PPIL2: variants seen among roughly 807,000 people sequenced by gnomAD.
The protein encoded by PPIL2 is peptidylprolyl isomerase like 2.
A neutral mutation model predicts 75.2 loss-of-function variants in PPIL2; 50 were observed. The ratio of observed to expected loss-of-function variants is 0.66; its 90% confidence interval spans 0.53 to 0.84. The LOEUF is 0.84. Among genes scored for constraint, PPIL2 ranks in the 40% least tolerant of loss-of-function variants. The pLI is 0.00. For missense variants in PPIL2, 590 were observed against 685.0 expected, an observed-to-expected ratio of 0.86 and a Z score of 1.55; for synonymous variants, 245 against 258.8, an observed-to-expected ratio of 0.95 and a Z score of 0.51.
rs1280253710 is a variant in PPIL2 at position 21,695,523 on chromosome 22, TTGCAGGGC to T, written c.*36_*43del. 11 of 1,568,412 alleles carry T rather than the reference TTGCAGGGC, an allele frequency of 7.0e-6. No homozygotes were observed. The highest frequency in any genetic ancestry group is 1.4e-5 in the African/African-American group (1 of 74,018). On this transcript the variant is annotated 3_prime_UTR_variant, in exon 20 of 20. Transcript: ENST00000398831. Reference sequence around the variant, plus strand: ...TTGGCCGCTGTGGACCTTGGTGGGGTTGCAGGGCTGGGGGCCCATGTCCACATCTCCAT... The same window carrying T: ...TTGGCCGCTGTGGACCTTGGTGGGGTTGGGGGCCCATGTCCACATCTCCAT...
In PPIL2 at chr22:21,696,669, G is replaced by A. The variant is rs78175523; in HGVS notation, c.*1179G>A. On this transcript the variant is annotated 3_prime_UTR_variant, in exon 20 of 20. Transcript: ENST00000398831. ...GCCCTCAGGCCACCCCCCACTTCTA[G>A]TTCTTCACACTAAGCCCTAACTTAG... 8.5e-4 allele frequency: 1,305 copies of A among 1,531,502 alleles called. 17 individuals carry two copies. The African/African-American group carries it at 0.016, about 18-fold the overall frequency. The allele number at this position is 1,531,502 out of a possible 1,614,324, so 94.9% of individuals were successfully genotyped here.
At chr22:21,678,022 A>C (rs1052654222) in intron 6 of PPIL2, among the ~76,000 whole-genome samples, 2 of 152,122 alleles carry the variant, frequency 1.3e-5, no homozygotes, top group Non-Finnish European at 2.9e-5. Flanking sequence ...CTGGGAGTCC[A>C]ATGTGGCTGG....
At chr22:21,684,962 C>T (rs1236265135) in intron 10 of PPIL2, 49 bp downstream of exon 10, 2 of 1,602,728 alleles carry the variant, frequency 1.2e-6, no homozygotes, top group Admixed American at 1.7e-5. Flanking sequence ...TCTTCCTGCC[C>T]ATCTCATGGC....
chr22:21,689,116 A>G (rs1379718341), intron 15 of PPIL2, among the ~76,000 whole-genome samples: 1 of 152,212 alleles, frequency 6.6e-6, no homozygotes, highest in Non-Finnish European at 1.5e-5. Flanking sequence ...GACAGGGACC[A>G]GGCATTCGTG....
Position 21,677,054 on chromosome 22 carries a change from G to A in PPIL2, c.295+1939G>A, listed in dbSNP as rs1268403955. Among the ~76,000 whole-genome samples, 7 of 151,770 alleles carry A rather than the reference G, an allele frequency of 4.6e-5. No homozygotes were observed. The East Asian group carries it at 5.8e-4, about 13-fold the overall frequency. ...GCTGCCCCCCACCTCCCTCCCGGAC[G>A]GGGCGGCTGCCGGGCGGAGACGCTC... is the stretch of plus-strand genomic sequence containing the variant. On this transcript the variant is annotated intron_variant, in intron 6 of 19. Coordinates refer to ENST00000398831, the MANE Select transcript of PPIL2 (RefSeq NM_014337.4).
intron 6 of PPIL2, among the ~76,000 whole-genome samples, chr22:21,679,920 T>C (rs2067036728): frequency 6.6e-6 from 1 of 151,170 alleles, no homozygotes; most frequent in African/African-American, 2.4e-5. Flanking sequence ...ACCCCGTCTC[T>C]ACTAAAAAAA....
Position 21,684,669 on chromosome 22 carries a change from G to T in PPIL2, c.554-84G>T, listed in dbSNP as rs372324620. The T allele has an allele frequency of 4.6e-6, 7 of 1,526,942 alleles. No homozygotes were observed. In the African/African-American group the frequency reaches 8.3e-5, roughly 18 times the overall value. The allele number at this position is 1,526,942 out of a possible 1,614,324, so 94.6% of individuals were successfully genotyped here. On this transcript the variant is annotated intron_variant, in intron 9 of 19. Transcript: ENST00000398831. Reference sequence around the variant, plus strand: ...CTGCGCCATGGCTGGACGGCCCTGGGCTATTCTAGATCTGTGTCCCCAGCA... The same window carrying T: ...CTGCGCCATGGCTGGACGGCCCTGGTCTATTCTAGATCTGTGTCCCCAGCA...
chr22:21,677,223 A>G (rs2066908499), intron 6 of PPIL2, among the ~76,000 whole-genome samples: 1 of 151,734 alleles, frequency 6.6e-6, no homozygotes, highest in African/African-American at 2.4e-5. Context: ...GGTTGCAGCC[A>G]GGCAGAGGCG....
downstream of PPIL2, chr22:21,698,008 C>G (rs746818771): frequency 6.6e-6 from 1 of 152,248 alleles, no homozygotes; most frequent in African/African-American, 2.4e-5. Flanking sequence ...CACATTCCTA[C>G]AGCAAATGCA....
intron 8 of PPIL2, 125 bp from the exon 9 acceptor site, chr22:21,683,057 C>A: frequency 2.4e-6 from 2 of 833,672 alleles, no homozygotes; most frequent in South Asian, 2.8e-5. Flanking sequence ...CTGCTTGACT[C>A]CCCCAACCTC....
chr22:21,676,278 G>GTGTGTGTC (rs1491214826), intron 6 of PPIL2, among the ~76,000 whole-genome samples: 87 of 142,602 alleles, frequency 6.1e-4, no homozygotes, highest in Admixed American at 6.3e-4. Context: ...GTGTGTGTGT[G>GTGTGTGTC]TCTCATTCAG....
At chr22:21,680,829 CAAAAAAAAAAAAAAA>C (rs762340467) in intron 6 of PPIL2, among the ~76,000 whole-genome samples, 8 of 50,822 alleles carry the variant, frequency 1.6e-4, no homozygotes, top group Non-Finnish European at 2.7e-4. Flanking sequence ...GACTCCATCT[CAAAAAAAAAAAAAAA>C]AAAAAAAAAC....
intron 7 of PPIL2, among the ~76,000 whole-genome samples, chr22:21,681,637 A>T (rs372483522): frequency 5.9e-5 from 9 of 152,258 alleles, no homozygotes; most frequent in South Asian, 2.1e-4. Context: ...CCCAGCAGGG[A>T]CCCTTAAACC....
chr22:21,686,873 C>G lies in PPIL2; in HGVS notation c.791-19C>G. The G allele has an allele frequency of 3.1e-6, 5 of 1,612,444 alleles. No individual in the cohort carries two copies. The highest frequency in any genetic ancestry group is 4.2e-6 in the Non-Finnish European group (5 of 1,178,784). ...CCCCAGGGTGAGGGCAGGGGCTGAG[C>G]TGGGACCTTGGCTTGTAGCTGCCAT... is the stretch of plus-strand genomic sequence containing the variant. On this transcript the variant is annotated intron_variant, in intron 11 of 19. Transcript: ENST00000398831.
intron 1 of PPIL2, among the ~76,000 whole-genome samples, chr22:21,668,623 G>A (rs899231889): frequency 3.1e-5 from 3 of 96,550 alleles, no homozygotes; most frequent in African/African-American, 5.7e-5. Context: ...GCAAGACTCC[G>A]TCTCAAAAAA....
chr22:21,667,658 C>A (rs1432980437), intron 1 of PPIL2, among the ~76,000 whole-genome samples: 1 of 151,998 alleles, frequency 6.6e-6, no homozygotes, highest in African/African-American at 2.4e-5. Flanking sequence ...CATAAACATT[C>A]TCTGTGGGTG....
intron 8 of PPIL2, 73 bp downstream of exon 8, chr22:21,682,599 AC>A (rs2148537749): frequency 1.3e-6 from 1 of 773,486 alleles, no homozygotes; most frequent in Non-Finnish European, 1.8e-6. Flanking sequence ...ACAGGGCCCT[AC>A]CCCCACGTCA....
intron 4 of PPIL2, 23 bp from the exon 5 acceptor site, chr22:21,672,307 T>C (rs563594832): frequency 1.2e-6 from 2 of 1,604,752 alleles, no homozygotes; most frequent in South Asian, 2.2e-5. Context: ...CTGGTGATGC[T>C]TTCTGTTCTG....
At chr22:21,681,949 T>C (rs2067146237) in intron 7 of PPIL2, among the ~76,000 whole-genome samples, 1 of 152,204 alleles carries the variant, frequency 6.6e-6, no homozygotes, top group African/African-American at 2.4e-5. Flanking sequence ...GGGGTGTAGG[T>C]GGCCAGCGCT....
Sources: allele counts gnomAD v4.1 joint callset (sites outside exome capture counted in the v4.1 genomes callset), GRCh38; gene constraint gnomAD v4.1.1; transcripts MANE v1.5; gene names NCBI Gene and HGNC (gene_info 2026-07-23, HGNC 2026-07-21).